Variants in CDH18 observed in about 807,000 individuals in gnomAD.
CDH18 encodes cadherin-18.
In CDH18, 31 loss-of-function variants were observed where a neutral mutation model predicts 67.9. The observed-to-expected ratio is 0.46, with a 90% CI of 0.34 to 0.62. The LOEUF (loss-of-function observed/expected upper bound fraction) is 0.62, where lower values mean the gene tolerates loss of function less well. Among genes scored for constraint, CDH18 ranks in the 20% least tolerant of loss-of-function variants. The pLI, the probability that CDH18 is intolerant of heterozygous loss-of-function variation, is 0.01. For missense variants in CDH18, 890 were observed against 975.5 expected (o/e 0.91, Z 1.17); for synonymous variants, 362 against 347.2 (o/e 1.04, Z -0.48).
intron 5 of CDH18, among the ~76,000 whole-genome samples, chr5:19,684,928 A>C (rs1382852246): frequency 6.6e-6 from 1 of 152,110 alleles, no homozygotes; most frequent in Non-Finnish European, 1.5e-5. Context: ...TGGCTGTAAA[A>C]ATTTTCCAGA....
chr5:20,482,255 A>T (rs575300893), intron 1 of CDH18, among the ~76,000 whole-genome samples: 1 of 152,156 alleles, frequency 6.6e-6, no homozygotes, highest in South Asian at 2.1e-4. Context: ...CAAAAACCTG[A>T]ATAGACTATT....
intron 1 of CDH18, among the ~76,000 whole-genome samples, chr5:20,551,205 G>A (rs899541396): frequency 2.0e-5 from 3 of 152,008 alleles, no homozygotes; most frequent in Admixed American, 2.0e-4. Context: ...ATTTTTAATA[G>A]GATCCTGTTT....
chr5:19,759,544 G>C lies in CDH18; in HGVS notation c.229-12308C>G, dbSNP rs567528326. ...CAGGCCGAGTCCAGGGACCCACTGG[G>C]CCCACTGTAAGTCAGACCAGAGCTA... On this transcript the variant is annotated intron_variant, in intron 3 of 12. Coordinates refer to ENST00000382275, the MANE Select transcript of CDH18 (RefSeq NM_004934.5). Among the ~76,000 whole-genome samples the C allele has an allele frequency of 3.9e-5, 6 of 152,206 alleles. No homozygotes were observed. The South Asian group carries it at 1.2e-3, about 32-fold the overall frequency.
At chr5:20,532,515 A>G (rs1304050603) in intron 1 of CDH18, among the ~76,000 whole-genome samples, 1 of 151,986 alleles carries the variant, frequency 6.6e-6, no homozygotes, top group African/African-American at 2.4e-5. Context: ...ACCTCACATG[A>G]CCTTCTTTAA....
chr5:19,826,548 GC>G (rs2149973120), intron 3 of CDH18, among the ~76,000 whole-genome samples: 1 of 152,260 alleles, frequency 6.6e-6, no homozygotes, highest in South Asian at 2.1e-4. Flanking sequence ...AATCCTACAG[GC>G]CAGAAGTGAC....
At chr5:19,509,433 G>A (rs1004238519) in intron 10 of CDH18, among the ~76,000 whole-genome samples, 2 of 151,968 alleles carry the variant, frequency 1.3e-5, no homozygotes, top group African/African-American at 2.4e-5. Context: ...GTAACCTCTC[G>A]ATCTAAAATA....
chr5:20,556,943 G>A (rs747734993), intron 1 of CDH18, among the ~76,000 whole-genome samples: 26 of 152,094 alleles, frequency 1.7e-4, no homozygotes, highest in Non-Finnish European at 3.1e-4. Context: ...AAGTGGGGTT[G>A]AGATAAATAA....
In CDH18 at chr5:20,221,539, A is replaced by G. The variant is rs374693867; in HGVS notation, c.-518+33905T>C. ...AACATAGGTAGATAGAATGAATATG[A>G]TCTATATTTAATAGCACAACAGGGT... On this transcript the variant is annotated intron_variant, in intron 2 of 14. Transcript: ENST00000507958. 1.1e-4 allele frequency among the ~76,000 whole-genome samples: 16 copies of G among 152,230 alleles called. No homozygotes were observed. The East Asian group carries it at 2.9e-3, about 28-fold the overall frequency.
chr5:20,371,725 T>G (rs943801368), intron 1 of CDH18, among the ~76,000 whole-genome samples: 3 of 152,128 alleles, frequency 2.0e-5, no homozygotes, highest in Admixed American at 2.0e-4. Context: ...GTGCAGCACA[T>G]GGAAAGTTCC....
At chr5:19,992,472 G>T (rs77166604), upstream of CDH18, among the ~76,000 whole-genome samples, 17,230 of 150,316 alleles carry the variant, frequency 0.11, 1,321 homozygotes, top group East Asian at 0.39. Context: ...AAACAACTGT[G>T]GGTAAACTGG....
intron 2 of CDH18, among the ~76,000 whole-genome samples, chr5:19,889,049 A>C (rs1298392876): frequency 6.6e-6 from 1 of 152,120 alleles, no homozygotes; most frequent in Non-Finnish European, 1.5e-5. Context: ...CATATACTTC[A>C]AATCATCATT....
At chr5:20,058,986 C>T (rs1742232440) in intron 2 of CDH18, among the ~76,000 whole-genome samples, 1 of 152,038 alleles carries the variant, frequency 6.6e-6, no homozygotes, top group African/African-American at 2.4e-5. Flanking sequence ...AATTTCAGAA[C>T]TTGTTATTGG....
intron 1 of CDH18, among the ~76,000 whole-genome samples, chr5:20,552,636 T>C (rs181509576): frequency 6.6e-6 from 1 of 152,240 alleles, no homozygotes; most frequent in Non-Finnish European, 1.5e-5. Context: ...TCAGATTAAA[T>C]AGATACAGAA....
intron 1 of CDH18, among the ~76,000 whole-genome samples, chr5:20,281,269 T>C: frequency 6.6e-6 from 1 of 152,220 alleles, no homozygotes; most frequent in East Asian, 1.9e-4. Flanking sequence ...GTTTTAGACA[T>C]GAAGTCCTTG....
At chr5:20,310,064 C>A (rs907090420) in intron 1 of CDH18, among the ~76,000 whole-genome samples, 5 of 152,034 alleles carry the variant, frequency 3.3e-5, no homozygotes, top group African/African-American at 1.2e-4. Context: ...GCCAAAAAAA[C>A]CTAGTTGTGA....
intron 5 of CDH18, among the ~76,000 whole-genome samples, chr5:19,658,283 A>G (rs1211638079): frequency 5.3e-5 from 8 of 152,156 alleles, no homozygotes; most frequent in Non-Finnish European, 1.0e-4. Flanking sequence ...TCATGTCAAC[A>G]CATAAAAATT....
At chr5:19,884,558 A>C (rs780369459) in intron 2 of CDH18, among the ~76,000 whole-genome samples, 3 of 151,930 alleles carry the variant, frequency 2.0e-5, no homozygotes, top group Non-Finnish European at 2.9e-5. Context: ...ATATTGTACA[A>C]TATTATTAAA....
At chr5:19,521,657 G>A (rs551974747) in intron 9 of CDH18, among the ~76,000 whole-genome samples, 1 of 151,926 alleles carries the variant, frequency 6.6e-6, no homozygotes, top group Admixed American at 6.6e-5. Context: ...AATACTTATA[G>A]AGAAGTTATT....
chr5:19,790,459 C>T (rs1384037306), intron 3 of CDH18, among the ~76,000 whole-genome samples: 1 of 151,950 alleles, frequency 6.6e-6, no homozygotes, highest in Non-Finnish European at 1.5e-5. Flanking sequence ...TGCATTTAAG[C>T]GATTTAGAAT....
Sources: gnomAD v4.1 joint callset for allele counts (sites outside exome capture counted in the v4.1 genomes callset) on GRCh38, gnomAD v4.1.1 for gene constraint, MANE v1.5 for transcripts, NCBI Gene and HGNC (gene_info 2026-07-23, HGNC 2026-07-21) for gene names.